The following RIMBP2 variants were observed in gnomAD, a reference collection of about 807,000 sequenced individuals.
The protein encoded by RIMBP2 is RIMS-binding protein 2.
RIMBP2 carries 48 observed loss-of-function variants against 118.6 expected under a neutral mutation model. The ratio of observed to expected loss-of-function variants is 0.40; its 90% confidence interval spans 0.32 to 0.51. RIMBP2 has a LOEUF of 0.51. Ranked by LOEUF, RIMBP2 falls within the 20% of genes least tolerant of loss-of-function variation. RIMBP2 has a pLI of 0.41. For synonymous variants in RIMBP2, 762 were observed against 742.9 expected, an observed-to-expected ratio of 1.03 and a Z score of -0.42; for missense variants, 1,551 against 1,768.3, an observed-to-expected ratio of 0.88 and a Z score of 2.20.
At chr12:130,453,507 A>T (rs370470937) in intron 7 of RIMBP2, among the ~76,000 whole-genome samples, 1 of 152,246 alleles carries the variant, frequency 6.6e-6, no homozygotes, top group African/African-American at 2.4e-5. Flanking sequence ...GCCTCAGGAA[A>T]GGAGGACACC....
Position 130,442,783 on chromosome 12 carries a change from C to T in RIMBP2, c.692-123G>A. 6.5e-6 allele frequency: 5 copies of T among 774,162 alleles called. No individual in the cohort carries two copies. Among genetic ancestry groups the T allele is most frequent in the Non-Finnish European group, 8.2e-6 (4 of 489,446 alleles). The allele number at this position is 774,162 out of a possible 1,614,324, so 48.0% of individuals were successfully genotyped here. On this transcript the variant is annotated intron_variant, in intron 10 of 22. Coordinates refer to ENST00000690449, the MANE Select transcript of RIMBP2 (RefSeq NM_001393629.1). The surrounding 1 kb of genome is among the most constrained non-coding windows in gnomAD (Gnocchi z 6.9). ...GAGCAACAGGGTTGCCCTGGGGCTC[C>T]TCCGCTGTTCCCAGGAGTCCATGCT...
At position 130,523,318 on chromosome 12, in the gene RIMBP2, C is replaced by T. The variant is rs532859821; in HGVS notation, c.-216-5401G>A. On this transcript the variant is annotated intron_variant, in intron 2 of 22. Coordinates refer to ENST00000690449, the MANE Select transcript of RIMBP2 (RefSeq NM_001393629.1). This position sits in a 1 kb window ranked among gnomAD's most constrained non-coding sequence, Gnocchi z 4.4. ...TCAAGAAGCGGCTCGCACCAGGAAC[C>T]GAATCAGCCAGCACCTTGGTCTTAG... is the stretch of plus-strand genomic sequence containing the variant. Among the ~76,000 whole-genome samples the T allele has an allele frequency of 1.4e-4, 22 of 152,310 alleles. No individual in the cohort carries two copies. The East Asian group carries it at 2.5e-3, about 17-fold the overall frequency.
chr12:130,428,416 C>T lies in RIMBP2; in HGVS notation c.2254-79G>A, dbSNP rs575425362. On this transcript the variant is annotated intron_variant, in intron 14 of 22. Coordinates refer to ENST00000690449, the MANE Select transcript of RIMBP2 (RefSeq NM_001393629.1). Reference sequence around the variant, plus strand: ...AGAGGCCAGATTGAGCTTGCCAACCCTTTCCCTGCTTCGCTGACTCACGGG... The same window carrying T: ...AGAGGCCAGATTGAGCTTGCCAACCTTTTCCCTGCTTCGCTGACTCACGGG... 480 of 1,460,926 alleles carry T rather than the reference C, an allele frequency of 3.3e-4. 1 individual carries two copies. In the African/African-American group the frequency reaches 6.2e-3, roughly 19 times the overall value. The allele number at this position is 1,460,926 out of a possible 1,614,324, so 90.5% of individuals were successfully genotyped here.
intron 2 of RIMBP2, among the ~76,000 whole-genome samples, chr12:130,590,085 C>T (rs1296913877): frequency 6.6e-6 from 1 of 152,132 alleles, no homozygotes; most frequent in Non-Finnish European, 1.5e-5. Flanking sequence ...ACAGGAAACA[C>T]GTGAAAGCAT....
At chr12:130,638,763 T>C (rs1000935970) in intron 1 of RIMBP2, among the ~76,000 whole-genome samples, 4 of 151,166 alleles carry the variant, frequency 2.6e-5, no homozygotes, top group African/African-American at 9.7e-5. Context: ...ATGGAGATCG[T>C]TAAAAAAAAA....
chr12:130,439,471 TTGTGTATG>T (rs1308219343), intron 11 of RIMBP2, among the ~76,000 whole-genome samples: 6 of 122,166 alleles, frequency 4.9e-5, no homozygotes, highest in African/African-American at 1.9e-4. Context: ...GTGTATGTAT[TTGTGTATG>T]TGTGTGTATG....
rs2061435577 is a variant in RIMBP2 at position 130,623,375 on chromosome 12, G to C, written c.-217+4947C>G. Among the ~76,000 whole-genome samples, 1 of 152,126 alleles carries C rather than the reference G, an allele frequency of 6.6e-6. No homozygotes were observed. Among genetic ancestry groups the C allele is most frequent in the South Asian group, 2.1e-4 (1 of 4,826 alleles). ...GTCATCTAGGTTTTAAGCCCCACAA[G>C]TATTAGGTATTTGCCCTAATGCTCC... On this transcript the variant is annotated intron_variant, in intron 2 of 22. Coordinates refer to ENST00000690449, the MANE Select transcript of RIMBP2 (RefSeq NM_001393629.1). The surrounding 1 kb of genome is among the most constrained non-coding windows in gnomAD (Gnocchi z 4.1).
At chr12:130,541,842 A>G (rs781188978) in intron 2 of RIMBP2, among the ~76,000 whole-genome samples, 2 of 152,196 alleles carry the variant, frequency 1.3e-5, no homozygotes, top group Non-Finnish European at 2.9e-5. Context: ...ATGTTTGTTG[A>G]ACACTTTCTA....
At chr12:130,476,297 T>C (rs2081420704) in intron 5 of RIMBP2, among the ~76,000 whole-genome samples, 1 of 152,000 alleles carries the variant, frequency 6.6e-6, no homozygotes, top group Non-Finnish European at 1.5e-5. Context: ...AGAGCTGGGG[T>C]TGCAGAAAGA....
In RIMBP2 at chr12:130,450,230, C is replaced by G. The variant is rs569441312; in HGVS notation, c.551G>C (p.Gly184Ala). 1 of 1,609,522 alleles carries G rather than the reference C, an allele frequency of 6.2e-7. No individual in the cohort carries two copies. Among genetic ancestry groups the G allele is most frequent in the East Asian group, 2.2e-5 (1 of 44,740 alleles). The change falls in exon 9 of 23, where the codon GGG becomes GCG. Residue 184 changes from glycine (G) to alanine (A), a missense_variant. Gly to Ala is a moderately conservative substitution (Grantham distance 60, BLOSUM62 0). Transcript: ENST00000690449. The surrounding 1 kb of genome is among the most constrained non-coding windows in gnomAD (Gnocchi z 4.8). Reference sequence around the variant, plus strand: ...GCGGGCAACACAGAGGTGGACCTTCCCCGAGTATCTCTGCTTGGAGGTATT... The same window carrying G: ...GCGGGCAACACAGAGGTGGACCTTCGCCGAGTATCTCTGCTTGGAGGTATT... ...NSNTSKQRYS[G>A]KVHLCVARYS...
chr12:130,541,838 G>C (rs1053475479), intron 2 of RIMBP2, among the ~76,000 whole-genome samples: 3 of 152,172 alleles, frequency 2.0e-5, no homozygotes, highest in African/African-American at 7.2e-5. Flanking sequence ...ATATATGTTT[G>C]TTGAACACTT....
chr12:130,532,765 G>T (rs537217274), intron 2 of RIMBP2, among the ~76,000 whole-genome samples: 8 of 144,888 alleles, frequency 5.5e-5, no homozygotes, highest in African/African-American at 1.3e-4. Flanking sequence ...AATGAGATGC[G>T]TGTGTTCAGC....
At chr12:130,454,710 T>C (rs1013233302) in intron 7 of RIMBP2, among the ~76,000 whole-genome samples, 1 of 152,256 alleles carries the variant, frequency 6.6e-6, no homozygotes, top group Non-Finnish European at 1.5e-5. Flanking sequence ...TTTTATGCAG[T>C]GTGCATTTTC....
intron 12 of RIMBP2, among the ~76,000 whole-genome samples, chr12:130,437,901 A>G (rs1366392931): frequency 1.3e-5 from 2 of 152,084 alleles, no homozygotes; most frequent in East Asian, 3.9e-4. Context: ...CCAGGCAGGG[A>G]TAGGGGGCTG....
At chr12:130,593,630 T>C (rs187938596) in intron 2 of RIMBP2, among the ~76,000 whole-genome samples, 142 of 152,312 alleles carry the variant, frequency 9.3e-4, no homozygotes, top group African/African-American at 3.2e-3. Context: ...CCATTCCACG[T>C]CATGCATGTC....
intron 6 of RIMBP2, among the ~76,000 whole-genome samples, chr12:130,462,906 G>A (rs1159754619): frequency 2.6e-5 from 4 of 152,208 alleles, no homozygotes; most frequent in Non-Finnish European, 5.9e-5. Context: ...GTGGAACAGG[G>A]GCACAGCCTC....
chr12:130,580,889 G>A (rs765169701), intron 2 of RIMBP2, among the ~76,000 whole-genome samples: 30 of 152,144 alleles, frequency 2.0e-4, no homozygotes, highest in Non-Finnish European at 1.0e-4. Context: ...GCAGTGAGCC[G>A]AGAAACAGCC....
At chr12:130,404,676 CT>C (rs1230117581) in intron 21 of RIMBP2, among the ~76,000 whole-genome samples, 1 of 152,090 alleles carries the variant, frequency 6.6e-6, no homozygotes, top group Admixed American at 6.5e-5. Flanking sequence ...AAAGGAAAAA[CT>C]TTTTAAGAGG....
chr12:130,533,510 C>T (rs1373893586), intron 2 of RIMBP2, among the ~76,000 whole-genome samples: 1 of 152,076 alleles, frequency 6.6e-6, no homozygotes, highest in South Asian at 2.1e-4. Flanking sequence ...TCCCAAGGAA[C>T]AAAAAATAGA....
Sources: gnomAD v4.1 joint callset for allele counts (sites outside exome capture counted in the v4.1 genomes callset) on GRCh38, gnomAD v4.1.1 for gene constraint, Gnocchi (gnomAD v3.1) non-coding constraint, MANE v1.5 for transcripts, NCBI Gene and HGNC (gene_info 2026-07-23, HGNC 2026-07-21) for gene names.